RPSA2: variants seen among roughly 807,000 people sequenced by gnomAD.
The protein encoded by RPSA2 is small ribosomal subunit protein uS2B.
the RPSA2 span, among the ~76,000 whole-genome samples, chr19:23,836,429 TTTGG>T: frequency 5.3e-5 from 8 of 152,226 alleles, no homozygotes; most frequent in African/African-American, 1.9e-4. Flanking sequence ...TGATGGGCAT[TTTGG>T]TTGGTTCCAG....
chr19:23,779,643 C>T, the RPSA2 span, among the ~76,000 whole-genome samples: 32 of 152,202 alleles, frequency 2.1e-4, no homozygotes, highest in African/African-American at 7.7e-4. Flanking sequence ...TGTCTAGCAA[C>T]CACGTATTTT....
At chr19:23,816,644 T>A in the RPSA2 span, among the ~76,000 whole-genome samples, 375 of 152,338 alleles carry the variant, frequency 2.5e-3, 2 homozygotes, top group African/African-American at 8.8e-3. Flanking sequence ...TGTCTATTCA[T>A]GTGTTTTCAT....
chr19:23,860,055 C>T, the RPSA2 span, among the ~76,000 whole-genome samples: 1 of 152,118 alleles, frequency 6.6e-6, no homozygotes, highest in Non-Finnish European at 1.5e-5. Flanking sequence ...TTGCATTGCA[C>T]TTTGCTGAAC....
chr19:23,833,240 G>A, the RPSA2 span: 2 of 1,024,728 alleles, frequency 2.0e-6, no homozygotes, highest in Non-Finnish European at 2.3e-6. Context: ...GAAAAATTTG[G>A]CAAACCTTTA....
At chr19:23,861,940 A>G in the RPSA2 span, among the ~76,000 whole-genome samples, 148,918 of 152,246 alleles carry the variant, frequency 0.98, 72,924 homozygotes, top group Middle Eastern at 1. Context: ...TCATGTCTCT[A>G]TGGTAGGTAG....
the RPSA2 span, among the ~76,000 whole-genome samples, chr19:23,869,167 T>G: frequency 1.3e-5 from 2 of 152,136 alleles, no homozygotes; most frequent in African/African-American, 4.8e-5. Context: ...TCAGGGAGCA[T>G]GGGCTCCAGG....
chr19:23,832,729 G>T, the RPSA2 span: 1 of 1,540,946 alleles, frequency 6.5e-7, no homozygotes, highest in Non-Finnish European at 8.8e-7. Flanking sequence ...CAAATGTGAA[G>T]AATATGAAAA....
chr19:23,869,055 G>A, the RPSA2 span, among the ~76,000 whole-genome samples: 1 of 152,168 alleles, frequency 6.6e-6, no homozygotes, highest in Non-Finnish European at 1.5e-5. Context: ...TGTGTGGTAG[G>A]TTTTCCCTTG....
chr19:23,849,965 T>C, the RPSA2 span, among the ~76,000 whole-genome samples: 1 of 152,160 alleles, frequency 6.6e-6, no homozygotes, highest in Admixed American at 6.5e-5. Context: ...AGACCAAATG[T>C]CCCGGTTCTC....
the RPSA2 span, among the ~76,000 whole-genome samples, chr19:23,828,399 AT>A: frequency 7.8e-5 from 11 of 141,566 alleles, no homozygotes. Context: ...TGGTGTTTCT[AT>A]TTCTTCAAAA....
the RPSA2 span, among the ~76,000 whole-genome samples, chr19:23,852,329 C>T: frequency 2.4e-4 from 25 of 104,278 alleles, no homozygotes; most frequent in South Asian, 5.0e-3. Context: ...AACCCAGCGG[C>T]GCTAGAGGAA....
chr19:23,853,148 T>C, the RPSA2 span, among the ~76,000 whole-genome samples: 1 of 152,246 alleles, frequency 6.6e-6, no homozygotes, highest in African/African-American at 2.4e-5. Flanking sequence ...AACTGCAGGC[T>C]CCTGATTATT....
chr19:23,781,697 T>A, the RPSA2 span, among the ~76,000 whole-genome samples: 17 of 152,154 alleles, frequency 1.1e-4, no homozygotes, highest in African/African-American at 4.1e-4. Flanking sequence ...AGTCCACCAT[T>A]GAGACTGTAA....
the RPSA2 span, among the ~76,000 whole-genome samples, chr19:23,848,371 C>G: frequency 1.3e-5 from 2 of 152,062 alleles, no homozygotes; most frequent in Non-Finnish European, 2.9e-5. Flanking sequence ...TTTGACTGGT[C>G]CAGCACACTA....
chr19:23,834,846 C>A, the RPSA2 span, among the ~76,000 whole-genome samples: 1 of 151,934 alleles, frequency 6.6e-6, no homozygotes, highest in Non-Finnish European at 1.5e-5. Flanking sequence ...TTGCCAGTAA[C>A]TTTAAATGGC....
At chr19:23,860,689 G>T in the RPSA2 span, among the ~76,000 whole-genome samples, 1 of 152,134 alleles carries the variant, frequency 6.6e-6, no homozygotes, top group Non-Finnish European at 1.5e-5. Context: ...TTATTTTGCT[G>T]AAACTCTCCC....
At chr19:23,773,089 G>GTA in the RPSA2 span, among the ~76,000 whole-genome samples, 91 of 834 alleles carry the variant, frequency 0.11, no homozygotes, top group African/African-American at 0.16. Context: ...GTATGTGTGT[G>GTA]TATATATATA....
chr19:23,777,236 G>T, the RPSA2 span, among the ~76,000 whole-genome samples: 2 of 152,180 alleles, frequency 1.3e-5, no homozygotes, highest in Non-Finnish European at 2.9e-5. Context: ...ATATTGCTTG[G>T]CCAGGATCCT....
At chr19:23,836,632 G>A in the RPSA2 span, among the ~76,000 whole-genome samples, 5 of 152,104 alleles carry the variant, frequency 3.3e-5, no homozygotes, top group South Asian at 4.1e-4. Flanking sequence ...CATTCCCACC[G>A]GCAGTGTGGA....
Sources: allele counts gnomAD v4.1 joint callset (sites outside exome capture counted in the v4.1 genomes callset), GRCh38; gene constraint gnomAD v4.1.1; transcripts MANE v1.5; gene names NCBI Gene and HGNC (gene_info 2026-07-23, HGNC 2026-07-21).